The following CACNA1E variants were observed in gnomAD, a reference collection of about 807,000 sequenced individuals.
The protein encoded by CACNA1E is calcium voltage-gated channel subunit alpha1 E, also known as voltage-dependent R-type calcium channel subunit alpha-1E.
Under a neutral mutation model 259.2 loss-of-function variants are expected in CACNA1E, and 40 were observed. The ratio of observed to expected loss-of-function variants is 0.15; its 90% CI spans 0.12 to 0.20. The LOEUF (loss-of-function observed/expected upper bound fraction) is 0.20. Ranked by LOEUF, CACNA1E falls within the 10% of genes least tolerant of loss-of-function variation. The pLI is 1.00. For synonymous variants in CACNA1E, 1,104 were observed against 1,138.5 expected (o/e 0.97, Z 0.61); for missense variants, 1,874 against 3,040.1 (o/e 0.62, Z 9.02).
chr1:181,510,437 C>T (rs747911748), intron 1 of CACNA1E, 40 bp from the exon 2 acceptor site: 6 of 1,365,594 alleles, frequency 4.4e-6, no homozygotes, highest in East Asian at 2.3e-5. Context: ...GAGGCTGTGT[C>T]CCTCTCTGGT....
At chr1:181,655,217 A>C (rs1206063196) in intron 7 of CACNA1E, among the ~76,000 whole-genome samples, 1 of 152,088 alleles carries the variant, frequency 6.6e-6, no homozygotes, top group Non-Finnish European at 1.5e-5. Context: ...GTAGGTATGG[A>C]GGTAAAAGAG....
rs115009252 is a variant in CACNA1E, at chr1:181,802,585, C to T, written c.*3751C>T. ...GCTTATTTGCTTGCCTGACTGACTC[C>T]ACCACTCTCTCAGCTATGGGGGAAT... On this transcript the variant is annotated 3_prime_UTR_variant, in exon 48 of 48. Coordinates refer to ENST00000367573, the MANE Select transcript of CACNA1E (RefSeq NM_001205293.3). 3.5e-4 allele frequency: 53 copies of T among 152,270 alleles called. No homozygotes were observed. Among genetic ancestry groups the T allele is most frequent in the Admixed American group, 9.8e-4 (15 of 15,288 alleles). The allele number at this position is 152,270 out of a possible 1,614,324, so 9.4% of individuals were successfully genotyped here.
At chr1:181,583,566 T>C (rs1651767379) in intron 6 of CACNA1E, among the ~76,000 whole-genome samples, 1 of 152,338 alleles carries the variant, frequency 6.6e-6, no homozygotes, top group Non-Finnish European at 1.5e-5. Context: ...TTATATGCAA[T>C]GTAAATGCTT....
chr1:181,510,001 G>A (rs1046404109), intron 1 of CACNA1E, among the ~76,000 whole-genome samples: 3 of 152,214 alleles, frequency 2.0e-5, no homozygotes, highest in Non-Finnish European at 4.4e-5. Flanking sequence ...CTCCAGTTGT[G>A]AGCCCAGGAG....
chr1:181,731,153 C>T (rs1284188759), intron 18 of CACNA1E, 22 bp from the exon 19 acceptor site: 3 of 1,609,094 alleles, frequency 1.9e-6, no homozygotes, highest in Non-Finnish European at 1.7e-6. Flanking sequence ...GTGAACTGAA[C>T]CTGTCCATTT....
intron 3 of CACNA1E, among the ~76,000 whole-genome samples, chr1:181,558,542 T>G (rs1648978031): frequency 6.6e-6 from 1 of 152,176 alleles, no homozygotes; most frequent in African/African-American, 2.4e-5. Flanking sequence ...AGGAGCAGTT[T>G]AAACCTAGCC....
At chr1:181,708,955 G>T (rs1298924713) in intron 7 of CACNA1E, among the ~76,000 whole-genome samples, 1 of 152,138 alleles carries the variant, frequency 6.6e-6, no homozygotes, top group Non-Finnish European at 1.5e-5. Context: ...GTGAAAGGAG[G>T]AGAAAGAGAC....
At chr1:181,675,132 AGTT>A (rs1206120445) in intron 7 of CACNA1E, among the ~76,000 whole-genome samples, 13 of 152,192 alleles carry the variant, frequency 8.5e-5, no homozygotes, top group African/African-American at 1.7e-4. Context: ...CCTCATCCAC[AGTT>A]GTTGTTGTTT....
intron 1 of CACNA1E, among the ~76,000 whole-genome samples, chr1:181,363,107 C>T (rs1204025356): frequency 6.6e-6 from 1 of 152,178 alleles, no homozygotes; most frequent in Non-Finnish European, 1.5e-5. Flanking sequence ...TTTCTGATTC[C>T]ATCCCCTAAG....
At chr1:181,359,560 G>T (rs1046144625) in intron 1 of CACNA1E, among the ~76,000 whole-genome samples, 8 of 152,136 alleles carry the variant, frequency 5.3e-5, no homozygotes, top group Admixed American at 3.3e-4. Context: ...TTGTAAGCGG[G>T]TGGGCTTCTG....
intron 1 of CACNA1E, among the ~76,000 whole-genome samples, chr1:181,385,490 G>T (rs1222146908): frequency 1.3e-5 from 2 of 152,160 alleles, no homozygotes; most frequent in South Asian, 2.1e-4. Context: ...AGGTGACAGG[G>T]ATGGGGATAT....
chr1:181,459,517 C>T (rs1661671821), intron 2 of CACNA1E, among the ~76,000 whole-genome samples: 2 of 152,232 alleles, frequency 1.3e-5, no homozygotes, highest in Non-Finnish European at 2.9e-5. Flanking sequence ...ATCATCCATG[C>T]CCTCTTGTGC....
intron 35 of CACNA1E, among the ~76,000 whole-genome samples, chr1:181,770,665 C>T (rs199927): frequency 0.25 from 37,850 of 152,020 alleles, 4,785 homozygotes; most frequent in South Asian, 0.34. Context: ...TACATGTGGA[C>T]ATATATAAAT....
Position 181,688,938 on chromosome 1 carries a change from CATA to C in CACNA1E, c.1056-22013_1056-22011del, listed in dbSNP as rs538369855. On this transcript the variant is annotated intron_variant, in intron 7 of 47. Transcript: ENST00000367573. Reference sequence around the variant, plus strand: ...CTTGTGCTTAGCTTATTCTATTTAGCATAATGTCTTTGAGGTTCACTTATGTTG... The same window carrying C: ...CTTGTGCTTAGCTTATTCTATTTAGCATGTCTTTGAGGTTCACTTATGTTG... 1.3e-3 allele frequency among the ~76,000 whole-genome samples: 196 copies of C among 152,246 alleles called. 1 individual carries two copies. The highest frequency in any genetic ancestry group is 2.2e-3 in the Admixed American group (33 of 15,294).
chr1:181,511,293 G>A, intron 2 of CACNA1E, 78 bp from the exon 3 acceptor site: 1 of 1,533,196 alleles, frequency 6.5e-7, no homozygotes, highest in Non-Finnish European at 9.0e-7. Context: ...ATCCAGGAAG[G>A]GCCAGGCTGT....
At chr1:181,346,477 C>T (rs566036672) in intron 1 of CACNA1E, among the ~76,000 whole-genome samples, 5 of 152,290 alleles carry the variant, frequency 3.3e-5, no homozygotes, top group East Asian at 3.9e-4. Flanking sequence ...CATCAGTGGA[C>T]GCAGCCTGAA....
intron 7 of CACNA1E, among the ~76,000 whole-genome samples, chr1:181,666,193 C>A (rs1648205657): frequency 6.6e-6 from 1 of 152,092 alleles, no homozygotes; most frequent in Admixed American, 6.5e-5. Context: ...CTTTACAAAC[C>A]AGACATTTAA....
chr1:181,790,414 C>T (rs778540229), intron 43 of CACNA1E, 31 bp from the exon 44 acceptor site: 3 of 1,411,398 alleles, frequency 2.1e-6, no homozygotes, highest in African/African-American at 2.8e-5. Context: ...GACTGTCCCT[C>T]ATTACCTCTG....
intron 6 of CACNA1E, among the ~76,000 whole-genome samples, chr1:181,641,239 G>A (rs149423733): frequency 3.9e-5 from 6 of 152,312 alleles, no homozygotes; most frequent in African/African-American, 7.2e-5. Flanking sequence ...ACCTTATAGC[G>A]GCTTAGCAGT....
Sources: gnomAD v4.1 joint callset for allele counts (sites outside exome capture counted in the v4.1 genomes callset) on GRCh38, gnomAD v4.1.1 for gene constraint, MANE v1.5 for transcripts, NCBI Gene and HGNC (gene_info 2026-07-23, HGNC 2026-07-21) for gene names.